The following EBF1 variants were observed in gnomAD, a reference collection of about 807,000 sequenced individuals.
EBF1 encodes the protein transcription factor COE1.
In EBF1, 10 loss-of-function variants were observed where a neutral mutation model predicts 68.4. The observed-to-expected ratio is 0.15, with a 90% CI of 0.09 to 0.25. The LOEUF (loss-of-function observed/expected upper bound fraction) is 0.25, where lower values mean the gene tolerates loss of function less well. Ranked by LOEUF, EBF1 falls within the 10% of genes least tolerant of loss-of-function variation. The pLI is 1.00. For missense variants in EBF1, 509 were observed against 794.4 expected (o/e 0.64, Z 4.32); for synonymous variants, 298 against 299.8 (o/e 0.99, Z 0.06).
chr5:158,947,882 C>CCCCAG (rs1815126401), intron 6 of EBF1, among the ~76,000 whole-genome samples: 1 of 152,166 alleles, frequency 6.6e-6, no homozygotes, highest in Admixed American at 6.6e-5. Context: ...AAAGTTCCCT[C>CCCCAG]CCTAAATCGC....
At chr5:158,843,904 G>A (rs773703092) in intron 6 of EBF1, among the ~76,000 whole-genome samples, 3 of 152,262 alleles carry the variant, frequency 2.0e-5, no homozygotes, top group Non-Finnish European at 2.9e-5. Context: ...ACATGTGCAC[G>A]TCTGCTGGCC....
chr5:159,094,460 A>G (rs1782223270), intron 4 of EBF1, among the ~76,000 whole-genome samples: 1 of 152,198 alleles, frequency 6.6e-6, no homozygotes. Flanking sequence ...AATAGCTGTT[A>G]ATAAATTGGT....
chr5:159,094,935 T>C (rs1412946331), intron 4 of EBF1, among the ~76,000 whole-genome samples: 4 of 152,206 alleles, frequency 2.6e-5, no homozygotes, highest in African/African-American at 9.6e-5. Flanking sequence ...TAACTCAACC[T>C]TAATGTATAC....
chr5:158,832,707 T>G (rs1419181706), intron 7 of EBF1, among the ~76,000 whole-genome samples: 2 of 152,218 alleles, frequency 1.3e-5, no homozygotes, highest in Non-Finnish European at 2.9e-5. Context: ...GCATGTATTT[T>G]AAGAATCCTC....
intron 5 of EBF1, among the ~76,000 whole-genome samples, chr5:159,075,242 T>C (rs1228783129): frequency 6.6e-6 from 1 of 152,120 alleles, no homozygotes; most frequent in African/African-American, 2.4e-5. Context: ...ATGACTAGCC[T>C]CACTAAAGCC....
At chr5:158,864,626 T>A (rs972902446) in intron 6 of EBF1, among the ~76,000 whole-genome samples, 19 of 151,916 alleles carry the variant, frequency 1.3e-4, no homozygotes, top group South Asian at 2.1e-4. Context: ...ACTCACAAGT[T>A]AAAAAAAGAT....
intron 6 of EBF1, among the ~76,000 whole-genome samples, chr5:158,862,000 T>G (rs1215744165): frequency 6.6e-6 from 1 of 152,244 alleles, no homozygotes; most frequent in South Asian, 2.1e-4. Context: ...AATATTGTTT[T>G]ACTCCATAAC....
Position 158,875,895 on chromosome 5 carries a change from G to A in EBF1, c.555-35785C>T, listed in dbSNP as rs375416656. Among the ~76,000 whole-genome samples the A allele has an allele frequency of 7.9e-5, 12 of 152,238 alleles. 1 individual carries two copies. Among genetic ancestry groups the A allele is most frequent in the African/African-American group, 2.9e-4 (12 of 41,534 alleles). On this transcript the variant is annotated intron_variant, in intron 6 of 15. Coordinates refer to ENST00000313708, the MANE Select transcript of EBF1 (RefSeq NM_024007.5). ...ACTTTCTTAATTACAACCTAAAACT[G>A]TAAAGACTTTTCCCAGTCCCTCCAC...
intron 15 of EBF1, among the ~76,000 whole-genome samples, chr5:158,702,718 TG>T (rs1757004704): frequency 9.2e-6 from 1 of 109,098 alleles, no homozygotes; most frequent in African/African-American, 3.7e-5. Context: ...CACTCCAGCC[TG>T]GGCTACAGAG....
At chr5:158,763,676 A>G (rs1183272598) in intron 10 of EBF1, among the ~76,000 whole-genome samples, 1 of 152,216 alleles carries the variant, frequency 6.6e-6, no homozygotes, top group East Asian at 1.9e-4. Flanking sequence ...GAAATTAGAG[A>G]AATAAAGAGT....
chr5:158,798,650 G>A (rs376649442), intron 8 of EBF1, among the ~76,000 whole-genome samples: 13 of 152,138 alleles, frequency 8.5e-5, no homozygotes, highest in African/African-American at 2.7e-4. Flanking sequence ...GCATGCGTGT[G>A]TATGTGCTTT....
intron 6 of EBF1, chr5:158,983,908 G>GTGTA (rs1042792783): frequency 6.7e-6 from 1 of 150,072 alleles, no homozygotes; most frequent in African/African-American, 2.4e-5. Flanking sequence ...GTGTGTGTGT[G>GTGTA]TGTGTGTGTG....
intron 6 of EBF1, among the ~76,000 whole-genome samples, chr5:158,863,392 A>G (rs1415806191): frequency 6.6e-6 from 1 of 152,238 alleles, no homozygotes; most frequent in East Asian, 1.9e-4. Context: ...TATGACTGCC[A>G]CTTACCAATC....
intron 6 of EBF1, among the ~76,000 whole-genome samples, chr5:158,895,611 C>CAGGGCAG (rs1802021439): frequency 6.6e-6 from 1 of 152,140 alleles, no homozygotes; most frequent in Non-Finnish European, 1.5e-5. Flanking sequence ...AAAGACAATG[C>CAGGGCAG]TATCATTCTA....
At chr5:158,861,282 T>C (rs943471565) in intron 6 of EBF1, among the ~76,000 whole-genome samples, 1 of 139,420 alleles carries the variant, frequency 7.2e-6, no homozygotes, top group East Asian at 1.9e-4. Context: ...ATATCATTCA[T>C]TTATAAAAAT....
intron 10 of EBF1, among the ~76,000 whole-genome samples, chr5:158,759,615 T>C (rs1269437376): frequency 1.3e-5 from 2 of 152,184 alleles, no homozygotes; most frequent in Non-Finnish European, 2.9e-5. Flanking sequence ...TGTGAGGGCT[T>C]ACAGTGCTAT....
chr5:158,759,382 G>A (rs558228230), intron 10 of EBF1, among the ~76,000 whole-genome samples: 2 of 152,080 alleles, frequency 1.3e-5, no homozygotes, highest in African/African-American at 2.4e-5. Flanking sequence ...CAGTTTCAAG[G>A]ATCTGCTACA....
chr5:158,823,339 G>A, intron 7 of EBF1, 22 bp from the exon 8 acceptor site: 1 of 1,589,888 alleles, frequency 6.3e-7, no homozygotes, highest in Non-Finnish European at 8.6e-7. Flanking sequence ...AGAAAGAAAT[G>A]AATGAACATT....
intron 6 of EBF1, among the ~76,000 whole-genome samples, chr5:158,876,914 C>T (rs373546786): frequency 4.6e-5 from 7 of 152,128 alleles, no homozygotes; most frequent in African/African-American, 1.4e-4. Flanking sequence ...TTTTTACATT[C>T]GTGCACTAAC....
Sources: allele counts gnomAD v4.1 joint callset (sites outside exome capture counted in the v4.1 genomes callset), GRCh38; gene constraint gnomAD v4.1.1; transcripts MANE v1.5; gene names NCBI Gene and HGNC (gene_info 2026-07-23, HGNC 2026-07-21).